The following ALK variants were observed in gnomAD, a reference collection of about 807,000 sequenced individuals.
ALK encodes the protein ALK receptor tyrosine kinase.
In ALK, 74 loss-of-function variants were observed where a neutral mutation model predicts 163.1. That is an observed-to-expected ratio of 0.45 (90% CI 0.38 to 0.55). The LOEUF (loss-of-function observed/expected upper bound fraction) is 0.55, where lower values mean the gene tolerates loss of function less well. Ranked by LOEUF, ALK falls within the 20% of genes least tolerant of loss-of-function variation. The pLI is 0.00. For missense variants in ALK, 2,063 were observed against 2,105.3 expected, an observed-to-expected ratio of 0.98 and a Z score of 0.39; for synonymous variants, 960 against 843.2, an observed-to-expected ratio of 1.14 and a Z score of -2.40.
intron 1 of ALK, among the ~76,000 whole-genome samples, chr2:29,791,480 G>C (rs1487075430): frequency 6.6e-6 from 1 of 152,158 alleles, no homozygotes; most frequent in Non-Finnish European, 1.5e-5. Context: ...GGCCTGTCGA[G>C]GGGTGGTGGG....
At chr2:29,811,412 C>G (rs1480820345) in intron 1 of ALK, among the ~76,000 whole-genome samples, 6 of 152,132 alleles carry the variant, frequency 3.9e-5, no homozygotes, top group Non-Finnish European at 7.4e-5. Flanking sequence ...ATTGGGTCAT[C>G]ATAATGTCAA....
Position 29,919,780 on chromosome 2 carries a change from T to G in ALK, c.667+213A>C, listed in dbSNP as rs556423691. On this transcript the variant is annotated intron_variant, in intron 1 of 28. Transcript: ENST00000389048. ...GTATGAAACTTTTCCCCCAACTTGG[T>G]TGCTAAAGAGGAAGGAAGACCCCTG... is the stretch of plus-strand genomic sequence containing the variant. Among the ~76,000 whole-genome samples the G allele has an allele frequency of 2.6e-5, 4 of 152,154 alleles. No homozygotes were observed. In the South Asian group the frequency reaches 8.3e-4, roughly 32 times the overall value.
intron 4 of ALK, among the ~76,000 whole-genome samples, chr2:29,445,526 A>G (rs891135643): frequency 6.6e-6 from 1 of 152,214 alleles, no homozygotes; most frequent in Non-Finnish European, 1.5e-5. Flanking sequence ...TTAATAGTAA[A>G]TAAGGGCTGG....
At chr2:29,294,427 G>A (rs1666123175) in intron 9 of ALK, among the ~76,000 whole-genome samples, 1 of 152,190 alleles carries the variant, frequency 6.6e-6, no homozygotes, top group African/African-American at 2.4e-5. Flanking sequence ...GCCATTAGGT[G>A]GGGAGATATT....
intron 3 of ALK, among the ~76,000 whole-genome samples, chr2:29,620,905 A>G (rs1185227732): frequency 1.3e-5 from 2 of 152,226 alleles, no homozygotes. Flanking sequence ...GAGCAAACTG[A>G]CAATTGTGCT....
At chr2:29,902,388 C>T (rs1167471779) in intron 1 of ALK, among the ~76,000 whole-genome samples, 3 of 152,224 alleles carry the variant, frequency 2.0e-5, no homozygotes, top group Non-Finnish European at 4.4e-5. Context: ...CCTGCTGAAT[C>T]TGCATCTTTC....
chr2:29,859,500 T>C (rs1558522087), intron 1 of ALK, among the ~76,000 whole-genome samples: 1 of 152,162 alleles, frequency 6.6e-6, no homozygotes, highest in Non-Finnish European at 1.5e-5. Flanking sequence ...CAACAGACAG[T>C]TCCAAAAAAT....
At chr2:29,624,001 G>C (rs1229264849) in intron 3 of ALK, among the ~76,000 whole-genome samples, 1 of 152,152 alleles carries the variant, frequency 6.6e-6, no homozygotes, top group South Asian at 2.1e-4. Context: ...AGCTGAAACT[G>C]TATTTCTGCT....
chr2:29,720,904 G>A (rs1309777113), intron 1 of ALK, among the ~76,000 whole-genome samples: 1 of 152,070 alleles, frequency 6.6e-6, no homozygotes, highest in Non-Finnish European at 1.5e-5. Flanking sequence ...CCTCATCAAT[G>A]CAGATATATG....
At chr2:29,887,390 C>G (rs1240540542) in intron 1 of ALK, among the ~76,000 whole-genome samples, 15 of 152,184 alleles carry the variant, frequency 9.9e-5, no homozygotes, top group Admixed American at 9.2e-4. Context: ...TGGCGGCTGG[C>G]TTCTCCCAAA....
chr2:29,644,238 G>A (rs555739718), intron 3 of ALK, among the ~76,000 whole-genome samples: 1 of 127,212 alleles, frequency 7.9e-6, no homozygotes, highest in Non-Finnish European at 1.6e-5. Context: ...TCACACACTG[G>A]GGCCTGTTGC....
intron 3 of ALK, among the ~76,000 whole-genome samples, chr2:29,638,374 C>G (rs1019737242): frequency 6.6e-6 from 1 of 152,126 alleles, no homozygotes; most frequent in Non-Finnish European, 1.5e-5. Context: ...CTCCTCCTAC[C>G]CTAACAAGGC....
At chr2:29,226,896 T>G in intron 18 of ALK, 26 bp downstream of exon 18, 1 of 1,613,754 alleles carries the variant, frequency 6.2e-7, no homozygotes. Context: ...TGGGCCCCTC[T>G]GCCTCCCCTG....
intron 1 of ALK, among the ~76,000 whole-genome samples, chr2:29,819,545 A>G (rs573626545): frequency 5.9e-5 from 9 of 152,362 alleles, no homozygotes; most frequent in African/African-American, 2.2e-4. Context: ...CTGCTCACCC[A>G]GGTGTTTTCA....
intron 8 of ALK, among the ~76,000 whole-genome samples, chr2:29,300,160 A>C (rs889710170): frequency 1.3e-5 from 2 of 152,234 alleles, no homozygotes; most frequent in South Asian, 4.2e-4. Flanking sequence ...GATCTTGCCT[A>C]AGAGGGAGGT....
intron 13 of ALK, among the ~76,000 whole-genome samples, chr2:29,235,019 T>C (rs1170436216): frequency 6.6e-6 from 1 of 152,234 alleles, no homozygotes; most frequent in Non-Finnish European, 1.5e-5. Flanking sequence ...AGCCAGCTGC[T>C]GTTCTAATTT....
In ALK at chr2:29,517,997, A is replaced by C. The variant is rs191536173; in HGVS notation, c.1154+13918T>G. On this transcript the variant is annotated intron_variant, in intron 4 of 28. Coordinates refer to ENST00000389048, the MANE Select transcript of ALK (RefSeq NM_004304.5). ...TACTTCCCAAATCTGAGCTCTTAGA[A>C]GTTCTCACCTAGTTCAAGCCCTCCC... Among the ~76,000 whole-genome samples, 335 of 152,296 alleles carry C rather than the reference A, an allele frequency of 2.2e-3. 1 individual carries two copies. The highest frequency in any genetic ancestry group is 2.3e-3 in the Non-Finnish European group (158 of 68,016).
intron 1 of ALK, among the ~76,000 whole-genome samples, chr2:29,789,096 T>C (rs1664123399): frequency 6.6e-6 from 1 of 151,294 alleles, no homozygotes; most frequent in Admixed American, 6.6e-5. Flanking sequence ...TGGGTCTGAG[T>C]CTAGGTCATT....
intron 5 of ALK, among the ~76,000 whole-genome samples, chr2:29,331,201 C>T (rs879200883): frequency 6.6e-6 from 1 of 152,166 alleles, no homozygotes; most frequent in African/African-American, 2.4e-5. Flanking sequence ...AACACCACTC[C>T]ATTCGTTCCT....
Sources: gnomAD v4.1 joint callset for allele counts (sites outside exome capture counted in the v4.1 genomes callset) on GRCh38, gnomAD v4.1.1 for gene constraint, MANE v1.5 for transcripts, NCBI Gene and HGNC (gene_info 2026-07-23, HGNC 2026-07-21) for gene names.